XRCC4: variants seen among roughly 807,000 people sequenced by gnomAD.
XRCC4 encodes X-ray repair cross complementing 4.
A neutral mutation model predicts 39.1 loss-of-function variants in XRCC4; 28 were observed. That is an observed-to-expected ratio of 0.72 (90% CI 0.53 to 0.98). The LOEUF is 0.98. XRCC4 is among the 50% of genes least tolerant of loss of function. The pLI is 0.00. For synonymous variants in XRCC4, 123 were observed against 126.4 expected, an observed-to-expected ratio of 0.97 and a Z score of 0.18; for missense variants, 350 against 376.4, an observed-to-expected ratio of 0.93 and a Z score of 0.58.
chr5:83,363,587 G>T, the XRCC4 span, among the ~76,000 whole-genome samples: 1 of 152,096 alleles, frequency 6.6e-6, no homozygotes, highest in Non-Finnish European at 1.5e-5. Flanking sequence ...TCATACAAAG[G>T]AGCATCCATA....
the XRCC4 span, among the ~76,000 whole-genome samples, chr5:83,359,852 A>T: frequency 6.6e-6 from 1 of 152,192 alleles, no homozygotes; most frequent in Non-Finnish European, 1.5e-5. Flanking sequence ...AATCAATTTT[A>T]TAATTAAATA....
intron 7 of XRCC4, among the ~76,000 whole-genome samples, chr5:83,306,909 G>A (rs367756432): frequency 6.6e-6 from 1 of 152,300 alleles, no homozygotes; most frequent in African/African-American, 2.4e-5. Context: ...GGGGAACAGA[G>A]GAAGGGAAAT....
At chr5:83,279,234 A>C in intron 7 of XRCC4, among the ~76,000 whole-genome samples, 1 of 151,750 alleles carries the variant, frequency 6.6e-6, no homozygotes, top group Non-Finnish European at 1.5e-5. Flanking sequence ...TGTTGTAGAC[A>C]AAATTTGACA....
At chr5:83,259,786 A>C (rs1359388772) in intron 7 of XRCC4, among the ~76,000 whole-genome samples, 1 of 152,116 alleles carries the variant, frequency 6.6e-6, no homozygotes, top group East Asian at 1.9e-4. Context: ...TAGTCTACAT[A>C]AACTAAAATG....
chr5:83,260,396 G>A (rs1753708136), intron 7 of XRCC4, among the ~76,000 whole-genome samples: 1 of 152,054 alleles, frequency 6.6e-6, no homozygotes, highest in Non-Finnish European at 1.5e-5. Context: ...TCATGCTGAG[G>A]ATCCCAGAAA....
At chr5:83,092,401 C>CTTTTAATGTCAAATCCA (rs1193592550) in intron 1 of XRCC4, among the ~76,000 whole-genome samples, 2 of 152,014 alleles carry the variant, frequency 1.3e-5, no homozygotes, top group Non-Finnish European at 2.9e-5. Flanking sequence ...GTTTCCTATG[C>CTTTTAATGTCAAATCCA]TTTTAATGTC....
In XRCC4 at chr5:83,139,565, A is replaced by G. The variant is rs959235500; in HGVS notation, c.315+28362A>G. On this transcript the variant is annotated intron_variant, in intron 3 of 7. Coordinates refer to ENST00000396027, the MANE Select transcript of XRCC4 (RefSeq NM_003401.5). ...TAGCAAATACAGTCACATGTTGTTT[A>G]ACAGTGGGGATATGTTCTGAGAAAT... 5.3e-5 allele frequency among the ~76,000 whole-genome samples: 8 copies of G among 152,212 alleles called. No homozygotes were observed. The South Asian group carries it at 1.7e-3, about 32-fold the overall frequency.
At chr5:83,130,772 AT>A (rs1747534154) in intron 3 of XRCC4, among the ~76,000 whole-genome samples, 2 of 152,132 alleles carry the variant, frequency 1.3e-5, no homozygotes. Context: ...TGTTTATAGT[AT>A]TCTCTGATGG....
intron 6 of XRCC4, among the ~76,000 whole-genome samples, chr5:83,227,647 T>A: frequency 6.6e-6 from 1 of 152,122 alleles, no homozygotes; most frequent in East Asian, 1.9e-4. Context: ...CACTCAATTA[T>A]AGGTAATAAT....
intron 6 of XRCC4, among the ~76,000 whole-genome samples, chr5:83,217,546 T>C (rs1467844636): frequency 3.3e-5 from 5 of 152,146 alleles, no homozygotes; most frequent in Non-Finnish European, 7.3e-5. Flanking sequence ...TCTGTTCTTA[T>C]TGCTTTGATA....
intron 1 of XRCC4, 118 bp from the exon 2 acceptor site, chr5:83,104,792 T>C: frequency 2.4e-6 from 2 of 846,502 alleles, no homozygotes; most frequent in Non-Finnish European, 3.6e-6. Flanking sequence ...TATACAGTTT[T>C]TTTGTTTTGC....
intron 6 of XRCC4, among the ~76,000 whole-genome samples, chr5:83,230,230 C>T (rs1311301908): frequency 2.0e-5 from 3 of 151,884 alleles, no homozygotes; most frequent in Admixed American, 6.6e-5. Flanking sequence ...TAAACTTTTG[C>T]CCCTTTCTTA....
chr5:83,321,688 A>G (rs1327608055), intron 7 of XRCC4, among the ~76,000 whole-genome samples: 3 of 152,144 alleles, frequency 2.0e-5, no homozygotes, highest in Non-Finnish European at 2.9e-5. Flanking sequence ...AGATCCATCT[A>G]CCTTTCAGGC....
intron 6 of XRCC4, among the ~76,000 whole-genome samples, chr5:83,228,333 A>G (rs1314576100): frequency 6.6e-6 from 1 of 152,064 alleles, no homozygotes; most frequent in Non-Finnish European, 1.5e-5. Context: ...CTACTTTTAC[A>G]TAAGGCATCT....
chr5:83,261,969 CTAAA>C (rs1015160216), intron 7 of XRCC4, among the ~76,000 whole-genome samples: 10 of 151,878 alleles, frequency 6.6e-5, no homozygotes, highest in Non-Finnish European at 1.2e-4. Context: ...CTGAGAAAAA[CTAAA>C]TACTTATCTA....
chr5:83,285,444 C>A (rs1754699998), intron 7 of XRCC4, among the ~76,000 whole-genome samples: 1 of 151,876 alleles, frequency 6.6e-6, no homozygotes, highest in Non-Finnish European at 1.5e-5. Context: ...TGAGCTATAC[C>A]AGGAAGGAGT....
intron 7 of XRCC4, among the ~76,000 whole-genome samples, chr5:83,275,334 G>C (rs1422537502): frequency 1.4e-5 from 2 of 146,914 alleles, no homozygotes; most frequent in African/African-American, 5.1e-5. Flanking sequence ...TCGCTCTGTC[G>C]CCCAGGCTGG....
chr5:83,309,096 G>A (rs1223685559), intron 7 of XRCC4, among the ~76,000 whole-genome samples: 2 of 150,202 alleles, frequency 1.3e-5, no homozygotes, highest in South Asian at 2.1e-4. Context: ...CAGCTAACAT[G>A]GTGAAACGCT....
At chr5:83,252,584 T>G (rs1354019094) in intron 6 of XRCC4, among the ~76,000 whole-genome samples, 1 of 149,708 alleles carries the variant, frequency 6.7e-6, no homozygotes, top group Non-Finnish European at 1.5e-5. Flanking sequence ...TTTCTGATAC[T>G]TTTTTATTTA....
Sources: gnomAD v4.1 joint callset for allele counts (sites outside exome capture counted in the v4.1 genomes callset) on GRCh38, gnomAD v4.1.1 for gene constraint, MANE v1.5 for transcripts, NCBI Gene and HGNC (gene_info 2026-07-23, HGNC 2026-07-21) for gene names.